CDKN2AIP: variants seen among roughly 807,000 people sequenced by gnomAD.
CDKN2AIP encodes the protein CDKN2A interacting protein, also known as CDKN2A-interacting protein.
CDKN2AIP carries 12 observed loss-of-function variants against 44.1 expected under a neutral mutation model. The ratio of observed to expected loss-of-function variants is 0.27; its 90% CI spans 0.17 to 0.44. CDKN2AIP has a LOEUF of 0.44. CDKN2AIP is among the 20% of genes least tolerant of loss of function. The pLI is 1.00. For synonymous variants in CDKN2AIP, 291 were observed against 272.1 expected (o/e 1.07, Z -0.68); for missense variants, 705 against 681.6 (o/e 1.03, Z -0.38).
Position 183,446,417 on chromosome 4 carries a change from G to A in CDKN2AIP, c.733G>A (p.Val245Ile). The A allele has an allele frequency of 6.2e-7, 1 of 1,613,498 alleles. No individual in the cohort carries two copies. The highest frequency in any genetic ancestry group is 8.5e-7 in the Non-Finnish European group (1 of 1,179,410). Reference sequence around the variant, plus strand: ...AGATAAACACGGTTCTGCATCATTTGTTTCCTTGCTGAAATCCAGTGTGAA... The same window carrying A: ...AGATAAACACGGTTCTGCATCATTTATTTCCTTGCTGAAATCCAGTGTGAA... ...APDKHGSASF[V>I]SLLKSSVNSH... The change falls in exon 3 of 3, where the codon GTT (valine) becomes ATT (isoleucine). Residue 245 changes from valine (V) to isoleucine (I), a missense_variant. Around this residue, in one of 2 missense-constraint regions of CDKN2AIP, gnomAD observed 592 missense variants for 518.0 expected, o/e 1.14. Coordinates refer to ENST00000504169, the MANE Select transcript of CDKN2AIP (RefSeq NM_017632.4).
intron 2 of CDKN2AIP, 157 bp downstream of exon 2, chr4:183,445,822 C>T (rs1733654639): frequency 4.5e-6 from 3 of 666,904 alleles, no homozygotes; most frequent in East Asian, 5.5e-5. Flanking sequence ...ATATCTGTGT[C>T]TTTAGGCTTT....
In CDKN2AIP at chr4:183,446,763, C is replaced by T. The variant is rs759169753; in HGVS notation, c.1079C>T (p.Ser360Phe). 9 of 1,614,072 alleles carry T rather than the reference C, an allele frequency of 5.6e-6. No homozygotes were observed. Among genetic ancestry groups the T allele is most frequent in the South Asian group, 1.1e-5 (1 of 91,094 alleles). ...TCAACAAATACATCGCTGCTAACTT[C>T]CAAGAGCACTTCCCAGGTAGCTGCA... ...SSSTNTSLLTSKSTSQVAASL... is the reference protein window; with the variant it reads ...SSSTNTSLLTFKSTSQVAASL... Residue 360 changes from serine to phenylalanine, a missense_variant, in exon 3 of 3, where the codon TCC becomes TTC. Coordinates refer to ENST00000504169, the MANE Select transcript of CDKN2AIP (RefSeq NM_017632.4).
At position 183,447,568 on chromosome 4, in the gene CDKN2AIP, CACACAG is replaced by C. The variant is rs1733710300; in HGVS notation, c.*142_*147del. On this transcript the variant is annotated 3_prime_UTR_variant, in exon 3 of 3. Transcript: ENST00000504169. The stretch of plus-strand genomic sequence containing the variant: ...AGAAAATTTACATTCTAGTTCTCTT[CACACAG>C]TAGCAGTTGTAAATAATTTATGAAT... The C allele has an allele frequency of 3.5e-6, 2 of 575,970 alleles. No individual in the cohort carries two copies. Among genetic ancestry groups the C allele is most frequent in the African/African-American group, 3.8e-5 (2 of 52,354 alleles). 35.7% of individuals were successfully genotyped at this position (575,970 alleles called of 1,614,324 possible).
Position 183,447,060 on chromosome 4 carries a change from C to A in CDKN2AIP, c.1376C>A (p.Pro459His). The change falls in exon 3 of 3, where the codon CCC becomes CAC. Residue 459 changes from proline (P) to histidine (H), a missense_variant. Physicochemically the swap from Pro to His is moderately conservative, Grantham distance 77. Coordinates refer to ENST00000504169, the MANE Select transcript of CDKN2AIP (RefSeq NM_017632.4). ...WKLVAVGGFS[P>H]NVNHGELLNA... ...TTGGTAGCTGTTGGTGGCTTTAGTC[C>A]CAATGTGAATCATGGAGAGCTCCTA... is the stretch of plus-strand genomic sequence containing the variant. The A allele has an allele frequency of 6.2e-7, 1 of 1,613,908 alleles. No individual in the cohort carries two copies. Among genetic ancestry groups the A allele is most frequent in the Non-Finnish European group, 8.5e-7 (1 of 1,179,896 alleles).
chr4:183,444,868 G>C lies in CDKN2AIP; in HGVS notation c.71G>C (p.Cys24Ser), dbSNP rs1472045373. 1 of 1,590,872 alleles carries C rather than the reference G, an allele frequency of 6.3e-7. No homozygotes were observed. The highest frequency in any genetic ancestry group is 1.8e-5 in the Admixed American group (1 of 56,452). ...RVAAWVEALRCDGETDKHWRH... is the reference protein window; with the variant it reads ...RVAAWVEALRSDGETDKHWRH... ...GCAGCCTGGGTGGAGGCGCTGCGCTGCGACGGCGAGACTGACAAACACTGG... is the reference window on the plus strand; with the variant it reads ...GCAGCCTGGGTGGAGGCGCTGCGCTCCGACGGCGAGACTGACAAACACTGG... The change falls in exon 1 of 3, where the codon TGC becomes TCC. Residue 24 changes from cysteine to serine, a missense_variant. Transcript: ENST00000504169.
intron 1 of CDKN2AIP, 165 bp from the exon 2 acceptor site, chr4:183,445,370 C>T (rs1347376914): frequency 3.1e-6 from 2 of 644,070 alleles, no homozygotes; most frequent in Non-Finnish European, 5.4e-6. Flanking sequence ...TGCCCTGCCT[C>T]CCAGACCCTG....
In CDKN2AIP at chr4:183,448,811, A is replaced by G. The variant is rs66526131; in HGVS notation, c.*1384A>G. Among the ~76,000 whole-genome samples, 19,747 of 152,158 alleles carry G rather than the reference A, an allele frequency of 0.13. 1,602 individuals are homozygous for G. The highest frequency in any genetic ancestry group is 0.2 in the East Asian group (1,054 of 5,174). On this transcript the variant is annotated 3_prime_UTR_variant, in exon 3 of 3. Coordinates refer to ENST00000504169, the MANE Select transcript of CDKN2AIP (RefSeq NM_017632.4). Reference sequence around the variant, plus strand: ...TAGAATTACATAATTACATAATCAGATGTTTTAATTTTACCATATAACCTT... The same window carrying G: ...TAGAATTACATAATTACATAATCAGGTGTTTTAATTTTACCATATAACCTT...
chr4:183,444,701 G>C lies in CDKN2AIP; in HGVS notation c.-97G>C, dbSNP rs1287602949. 2.3e-6 allele frequency: 3 copies of C among 1,285,800 alleles called. No individual in the cohort carries two copies. Among genetic ancestry groups the C allele is most frequent in the Non-Finnish European group, 2.1e-6 (2 of 964,810 alleles). The allele number at this position is 1,285,800 out of a possible 1,614,324, so 79.6% of individuals were successfully genotyped here. Reference sequence around the variant, plus strand: ...TTAGGCCTGCGGAGGGGCGTTATCTGGAGGGCCGCGGGTGCAGGCCGCAGT... The same window carrying C: ...TTAGGCCTGCGGAGGGGCGTTATCTCGAGGGCCGCGGGTGCAGGCCGCAGT... On this transcript the variant is annotated 5_prime_UTR_variant, in exon 1 of 3. Coordinates refer to ENST00000504169, the MANE Select transcript of CDKN2AIP (RefSeq NM_017632.4).
At position 183,446,158 on chromosome 4, in the gene CDKN2AIP, C is replaced by A. The variant is rs747512303; in HGVS notation, c.474C>A (p.His158Gln). 1.2e-6 allele frequency: 2 copies of A among 1,613,766 alleles called. No homozygotes were observed. The highest frequency in any genetic ancestry group is 1.7e-6 in the Non-Finnish European group (2 of 1,179,806). The change falls in exon 3 of 3, where the codon CAC becomes CAA. Residue 158 changes from histidine (H) to glutamine (Q), a missense_variant. Transcript: ENST00000504169. The part of the protein sequence containing the change: ...GKNSSAVEQD[H>Q]AKTSAKTERA... ...ACAGTTCTGCAGTTGAGCAAGATCA[C>A]GCAAAAACCTCTGCCAAGACAGAAC...
chr4:183,446,947 T>C lies in CDKN2AIP; in HGVS notation c.1263T>C (p.Ser421=). ...SKSTSQSSES[S]VKFSCKLTNE... ...GTACTTCACAGTCAAGTGAGAGTTCTGTCAAATTCTCTTGCAAGTTAACCA... is the reference window on the plus strand; with the variant it reads ...GTACTTCACAGTCAAGTGAGAGTTCCGTCAAATTCTCTTGCAAGTTAACCA... Residue 421 remains serine, a synonymous_variant, in exon 3 of 3, where the codon TCT becomes TCC. Transcript: ENST00000504169. The C allele has an allele frequency of 6.2e-7, 1 of 1,614,252 alleles. No homozygotes were observed. Among genetic ancestry groups the C allele is most frequent in the South Asian group, 1.1e-5 (1 of 91,084 alleles).
rs1302609415 is a variant in CDKN2AIP at position 183,447,998 on chromosome 4, AGTT to A, written c.*575_*577del. Reference sequence around the variant, plus strand: ...TAAAGTACTTGTTATTTTACTCTGAAGTTGTTTAAAATTCACCATGACTTTGAC... The same window carrying A: ...TAAAGTACTTGTTATTTTACTCTGAAGTTTAAAATTCACCATGACTTTGAC... On this transcript the variant is annotated 3_prime_UTR_variant, in exon 3 of 3. Coordinates refer to ENST00000504169, the MANE Select transcript of CDKN2AIP (RefSeq NM_017632.4). 6.6e-5 allele frequency: 10 copies of A among 152,196 alleles called. No individual in the cohort carries two copies. Among genetic ancestry groups the A allele is most frequent in the Non-Finnish European group, 1.2e-4 (8 of 68,016 alleles). 9.4% of individuals were successfully genotyped at this position (152,196 alleles called of 1,614,324 possible).
chr4:183,446,709 C>A lies in CDKN2AIP; in HGVS notation c.1025C>A (p.Thr342Lys). The part of the protein sequence containing the change: ...SVAKNSSSSG[T>K]SLLTPKSSSS... ...GCTAAAAACAGTTCCTCATCAGGCA[C>A]ATCCTTACTGACTCCCAAGAGCAGC... Residue 342 changes from threonine (T) to lysine (K), a missense_variant, in exon 3 of 3, where the codon ACA becomes AAA. Coordinates refer to ENST00000504169, the MANE Select transcript of CDKN2AIP (RefSeq NM_017632.4). 1 of 1,614,202 alleles carries A rather than the reference C, an allele frequency of 6.2e-7. No homozygotes were observed. The highest frequency in any genetic ancestry group is 8.5e-7 in the Non-Finnish European group (1 of 1,180,004).
rs543497563 is a variant in CDKN2AIP at position 183,448,229 on chromosome 4, A to G, written c.*802A>G. 193 of 152,280 alleles carry G rather than the reference A, an allele frequency of 1.3e-3. No individual in the cohort carries two copies. Among genetic ancestry groups the G allele is most frequent in the African/African-American group, 4.3e-3 (179 of 41,570 alleles). 9.4% of individuals were successfully genotyped at this position (152,280 alleles called of 1,614,324 possible). A position where few individuals can be genotyped will look rare whatever the true frequency, so the allele number is the denominator to read the frequency against. ...GTTTTTTTTCTCCAAGTCAGAACCAATTCCTGCAAATAGGCTTCCCATGAC... is the reference window on the plus strand; with the variant it reads ...GTTTTTTTTCTCCAAGTCAGAACCAGTTCCTGCAAATAGGCTTCCCATGAC... On this transcript the variant is annotated 3_prime_UTR_variant, in exon 3 of 3. Transcript: ENST00000504169.
At chr4:183,445,446 C>T (rs553932500) in intron 1 of CDKN2AIP, 89 bp from the exon 2 acceptor site, 6 of 1,014,924 alleles carry the variant, frequency 5.9e-6, no homozygotes, top group East Asian at 2.4e-5. Flanking sequence ...TGATTGCAGC[C>T]AGGAAATGCA....
At position 183,446,488 on chromosome 4, in the gene CDKN2AIP, A is replaced by C; in HGVS notation, c.804A>C (p.Ser268=). ...CTGATTCTAGACAACAAAGTGGATC[A>C]CCTAAAAAGAGTGCTTTGGAAGGCT... ...QSTDSRQQSG[S]PKKSALEGSS... Residue 268 remains serine, a synonymous_variant, in exon 3 of 3, where the codon TCA becomes TCC. Transcript: ENST00000504169. The C allele has an allele frequency of 6.2e-7, 1 of 1,613,606 alleles. No individual in the cohort carries two copies. The highest frequency in any genetic ancestry group is 1.1e-5 in the South Asian group (1 of 91,062).
In CDKN2AIP at chr4:183,447,359, C is replaced by T; in HGVS notation, c.1675C>T (p.Leu559Phe). 1 of 1,588,316 alleles carries T rather than the reference C, an allele frequency of 6.3e-7. No individual in the cohort carries two copies. Among genetic ancestry groups the T allele is most frequent in the South Asian group, 1.2e-5 (1 of 86,870 alleles). ...AGGCAGTGAAATAGAAGATCTAGTA[C>T]TCCTTGATGAAGAATCGAGGCCTGT... ...YRGSEIEDLV[L>F]LDEESRPVNL... Residue 559 changes from leucine (L) to phenylalanine (F), a missense_variant, in exon 3 of 3, where the codon CTC (leucine) becomes TTC (phenylalanine). This residue lies in a region of CDKN2AIP where 113 missense variants were observed against 163.6 expected (regional missense o/e 0.69). Transcript: ENST00000504169.
Position 183,447,440 on chromosome 4 carries a change from A to G in CDKN2AIP, c.*13A>G, listed in dbSNP as rs780727695. On this transcript the variant is annotated 3_prime_UTR_variant, in exon 3 of 3. Transcript: ENST00000504169. ...AGAATTACTATAATGTGTCCAAAAT[A>G]TCACTGCATACAATATCTGGTATTT... is the stretch of plus-strand genomic sequence containing the variant. The G allele has an allele frequency of 1.3e-6, 2 of 1,494,508 alleles. No individual in the cohort carries two copies. Among genetic ancestry groups the G allele is most frequent in the Non-Finnish European group, 1.8e-6 (2 of 1,118,830 alleles). The allele number at this position is 1,494,508 out of a possible 1,614,324, so 92.6% of individuals were successfully genotyped here.
At chr4:183,445,358 G>T in intron 1 of CDKN2AIP, 177 bp from the exon 2 acceptor site, 1 of 626,250 alleles carries the variant, frequency 1.6e-6, no homozygotes, top group Non-Finnish European at 2.8e-6. Context: ...TTAGTGAGGA[G>T]GTGCCCTGCC....
At position 183,446,980 on chromosome 4, in the gene CDKN2AIP, T is replaced by C. The variant is rs1174603663; in HGVS notation, c.1296T>C (p.Asp432=). ...VKFSCKLTNE[D]VKQKQPFFNR... is the part of the protein sequence containing the mutation. Reference sequence around the variant, plus strand: ...TCTCTTGCAAGTTAACCAATGAAGATGTGAAACAGAAGCAACCTTTTTTCA... The same window carrying C: ...TCTCTTGCAAGTTAACCAATGAAGACGTGAAACAGAAGCAACCTTTTTTCA... Residue 432 remains aspartate (D), a synonymous_variant, in exon 3 of 3, where the codon GAT becomes GAC. Coordinates refer to ENST00000504169, the MANE Select transcript of CDKN2AIP (RefSeq NM_017632.4). The C allele has an allele frequency of 2.5e-6, 4 of 1,614,190 alleles. No homozygotes were observed. Among genetic ancestry groups the C allele is most frequent in the South Asian group, 2.2e-5 (2 of 91,084 alleles).
Sources: gnomAD v4.1 joint callset for allele counts (sites outside exome capture counted in the v4.1 genomes callset) on GRCh38, gnomAD v4.1.1 for gene constraint, gnomAD v4.1.1 regional missense constraint, MANE v1.5 for transcripts, NCBI Gene and HGNC (gene_info 2026-07-23, HGNC 2026-07-21) for gene names.